The following FRMD5 variants were observed in gnomAD, a reference collection of about 807,000 sequenced individuals.
FRMD5 encodes FERM domain-containing protein 5.
A neutral mutation model predicts 69.0 loss-of-function variants in FRMD5; 20 were observed. The observed-to-expected ratio is 0.29, with a 90% CI of 0.20 to 0.42. The LOEUF is 0.42. Ranked by LOEUF, FRMD5 falls within the 10% of genes least tolerant of loss-of-function variation. The pLI is 1.00. For synonymous variants in FRMD5, 271 were observed against 260.1 expected, an observed-to-expected ratio of 1.04 and a Z score of -0.40; for missense variants, 595 against 708.6, an observed-to-expected ratio of 0.84 and a Z score of 1.82.
intron 1 of FRMD5, among the ~76,000 whole-genome samples, chr15:44,166,235 C>T (rs2077706783): frequency 6.6e-6 from 1 of 152,090 alleles, no homozygotes; most frequent in Non-Finnish European, 1.5e-5. Flanking sequence ...TATTAATTGT[C>T]CACTTTGTGG....
chr15:44,088,512 CAT>C (rs967323078), intron 1 of FRMD5, among the ~76,000 whole-genome samples: 2 of 152,180 alleles, frequency 1.3e-5, no homozygotes, highest in Admixed American at 1.3e-4. Context: ...TCTTGTTCCA[CAT>C]GTTTTGATTC....
intron 1 of FRMD5, among the ~76,000 whole-genome samples, chr15:44,089,955 A>G (rs896994613): frequency 4.6e-5 from 7 of 152,148 alleles, no homozygotes; most frequent in Non-Finnish European, 8.8e-5. Context: ...TTTATCATAA[A>G]GAAAGAACAC....
At chr15:43,940,032 C>T (rs1171636844) in intron 1 of FRMD5, among the ~76,000 whole-genome samples, 4 of 152,150 alleles carry the variant, frequency 2.6e-5, no homozygotes, top group South Asian at 2.1e-4. Context: ...CAAAAATTAG[C>T]CAGGCTTGGT....
Position 43,870,897 on chromosome 15 carries a change from C to A in FRMD5, c.*2988G>T, listed in dbSNP as rs1228618425. The A allele has an allele frequency of 6.6e-6, 1 of 152,158 alleles. No individual in the cohort carries two copies. Among genetic ancestry groups the A allele is most frequent in the Non-Finnish European group, 1.5e-5 (1 of 68,028 alleles). 9.4% of individuals were successfully genotyped at this position (152,158 alleles called of 1,614,324 possible). A position where few individuals can be genotyped will look rare whatever the true frequency, so the allele number is the denominator to read the frequency against. ...ATGTAACTTAAGAGTTTTTGGCACACAGAAGGTTAACAACTATATATTTTT... is the reference window on the plus strand; with the variant it reads ...ATGTAACTTAAGAGTTTTTGGCACAAAGAAGGTTAACAACTATATATTTTT... On this transcript the variant is annotated 3_prime_UTR_variant, in exon 14 of 14. Transcript: ENST00000417257.
chr15:43,906,976 A>G (rs773408959), intron 5 of FRMD5, among the ~76,000 whole-genome samples: 1 of 152,114 alleles, frequency 6.6e-6, no homozygotes, highest in African/African-American at 2.4e-5. Flanking sequence ...CTATTCAGAG[A>G]GAGTTTATCT....
chr15:43,935,077 G>A (rs1192188263), intron 1 of FRMD5, among the ~76,000 whole-genome samples: 1 of 152,248 alleles, frequency 6.6e-6, no homozygotes, highest in Non-Finnish European at 1.5e-5. Context: ...AGCTGCGGAT[G>A]TGCTTTCAGA....
At chr15:43,893,418 G>A (rs1046511565) in intron 7 of FRMD5, among the ~76,000 whole-genome samples, 5 of 152,174 alleles carry the variant, frequency 3.3e-5, no homozygotes, top group African/African-American at 1.2e-4. Context: ...AGCAGAAGCT[G>A]TAGGTCTCGC....
intron 13 of FRMD5, among the ~76,000 whole-genome samples, chr15:43,876,736 T>C (rs1212976409): frequency 1.3e-5 from 2 of 152,214 alleles, no homozygotes; most frequent in South Asian, 2.1e-4. Context: ...CTCTCTGCTC[T>C]TCTTGAGGGG....
At chr15:44,181,070 T>G (rs1234009449) in intron 1 of FRMD5, among the ~76,000 whole-genome samples, 1 of 152,072 alleles carries the variant, frequency 6.6e-6, no homozygotes, top group Non-Finnish European at 1.5e-5. Context: ...GACCAGATCT[T>G]GGTCTGTTGC....
In FRMD5 at chr15:43,909,878, T is replaced by C. The variant is rs762744993; in HGVS notation, c.427+4A>G. The C allele has an allele frequency of 3.8e-6, 6 of 1,593,346 alleles. No homozygotes were observed. Among genetic ancestry groups the C allele is most frequent in the Non-Finnish European group, 5.2e-6 (6 of 1,162,190 alleles). ...AGCAAACTTATCCTGTCAAAAGTCA[T>C]TACCTTGAAGGATGTAAGCTGCTAA... On this transcript the variant is annotated splice_donor_region_variant and intron_variant, in intron 5 of 13. Coordinates refer to ENST00000417257, the MANE Select transcript of FRMD5 (RefSeq NM_032892.5).
chr15:44,087,835 T>G (rs906707163), intron 1 of FRMD5, among the ~76,000 whole-genome samples: 3 of 151,994 alleles, frequency 2.0e-5, no homozygotes, highest in Non-Finnish European at 2.9e-5. Context: ...TAAAATTTGG[T>G]GTTCCAGCCC....
chr15:44,116,427 A>G (rs1017340549), intron 1 of FRMD5, among the ~76,000 whole-genome samples: 1 of 152,018 alleles, frequency 6.6e-6, no homozygotes, highest in African/African-American at 2.4e-5. Flanking sequence ...AGCTCCAAAT[A>G]TATTTCTTTG....
chr15:44,018,697 T>C (rs1295561813), intron 1 of FRMD5, among the ~76,000 whole-genome samples: 1 of 152,180 alleles, frequency 6.6e-6, no homozygotes, highest in South Asian at 2.1e-4. Flanking sequence ...GCCCTAATCC[T>C]TTCTTTTTCC....
chr15:43,916,428 T>C (rs1442060894), intron 4 of FRMD5, among the ~76,000 whole-genome samples: 2 of 152,212 alleles, frequency 1.3e-5, no homozygotes, highest in African/African-American at 4.8e-5. Context: ...TACTTGTGCA[T>C]GATGCAGAGC....
chr15:43,926,472 A>G (rs1465893806), intron 1 of FRMD5, among the ~76,000 whole-genome samples: 1 of 152,234 alleles, frequency 6.6e-6, no homozygotes, highest in Admixed American at 6.5e-5. Context: ...GCCATGGGTA[A>G]TTACAGAAGG....
intron 1 of FRMD5, among the ~76,000 whole-genome samples, chr15:44,122,518 G>A (rs1023496410): frequency 6.6e-6 from 1 of 151,954 alleles, no homozygotes; most frequent in Non-Finnish European, 1.5e-5. Flanking sequence ...GGCAGAGGTT[G>A]CAGTAAGCAG....
In FRMD5 at chr15:44,027,649, TTG is replaced by T. The variant is rs1491375619; in HGVS notation, c.103-103342_103-103341del. On this transcript the variant is annotated intron_variant, in intron 1 of 13. Transcript: ENST00000417257. ...TGACTTTCTTTTCTAGTTTTTTTTTTTGTTTTTTTTTTTTTTTCCGAGACAGA... is the reference window on the plus strand; with the variant it reads ...TGACTTTCTTTTCTAGTTTTTTTTTTTTTTTTTTTTTTTTTCCGAGACAGA... 7.5e-4 allele frequency among the ~76,000 whole-genome samples: 22 copies of T among 29,288 alleles called. 2 individuals are homozygous for T. Among genetic ancestry groups the T allele is most frequent in the Admixed American group, 1.9e-3 (3 of 1,588 alleles). The allele number at this position is 29,288 out of a possible 152,430, so 19.2% of individuals were successfully genotyped here. A position where few individuals can be genotyped will look rare whatever the true frequency, so the allele number is the denominator to read the frequency against.
intron 13 of FRMD5, among the ~76,000 whole-genome samples, chr15:43,881,068 T>C (rs746013131): frequency 3.3e-5 from 5 of 152,190 alleles, no homozygotes; most frequent in Non-Finnish European, 7.3e-5. Context: ...CAGCCCTCCC[T>C]CTTTTGGGAA....
chr15:43,984,962 C>T lies in FRMD5; in HGVS notation c.103-60653G>A, dbSNP rs571340203. Among the ~76,000 whole-genome samples the T allele has an allele frequency of 3.9e-3, 558 of 142,130 alleles. 4 individuals are homozygous for T. The highest frequency in any genetic ancestry group is 4.7e-3 in the Non-Finnish European group (305 of 65,540). The allele number at this position is 142,130 out of a possible 152,430, so 93.2% of individuals were successfully genotyped here. On this transcript the variant is annotated intron_variant, in intron 1 of 13. Transcript: ENST00000417257. ...TCGCGCCACTGCACCCCAAACTGGG[C>T]GACAGAACAACTCTGTCTAGAAAAA...
Sources: allele counts gnomAD v4.1 joint callset (sites outside exome capture counted in the v4.1 genomes callset), GRCh38; gene constraint gnomAD v4.1.1; transcripts MANE v1.5; gene names NCBI Gene and HGNC (gene_info 2026-07-23, HGNC 2026-07-21).